TGM7: variants seen among roughly 807,000 people sequenced by gnomAD.
TGM7 encodes protein-glutamine gamma-glutamyltransferase Z.
A neutral mutation model predicts 79.5 loss-of-function variants in TGM7; 74 were observed. That is an observed-to-expected ratio of 0.93 (90% confidence interval 0.77 to 1.13). The LOEUF (loss-of-function observed/expected upper bound fraction) is 1.13, where lower values mean the gene tolerates loss of function less well. Ranked by LOEUF, TGM7 falls within the 50% of genes most tolerant of loss-of-function variation. The pLI, the probability that TGM7 is intolerant of heterozygous loss-of-function variation, is 0.00. For missense variants in TGM7, 912 were observed against 905.9 expected, an observed-to-expected ratio of 1.01 and a Z score of -0.09; for synonymous variants, 354 against 362.5, an observed-to-expected ratio of 0.98 and a Z score of 0.27.
chr15:43,296,526 A>G (rs1057269460), intron 1 of TGM7, among the ~76,000 whole-genome samples: 7 of 151,942 alleles, frequency 4.6e-5, no homozygotes, highest in Middle Eastern at 3.4e-3. Context: ...TTTTCATAGC[A>G]GGACCACTGA....
chr15:43,281,757 G>C lies in TGM7; in HGVS notation c.1351+87C>G, dbSNP rs189501370. 593 of 1,559,416 alleles carry C rather than the reference G, an allele frequency of 3.8e-4. 7 individuals carry two copies. The East Asian group carries it at 0.011, about 30-fold the overall frequency. ...GCCATGAGGAAGAGGTGATTCGATGGTGATGGTTTCAACTTGGAGCCATCC... is the reference window on the plus strand; with the variant it reads ...GCCATGAGGAAGAGGTGATTCGATGCTGATGGTTTCAACTTGGAGCCATCC... On this transcript the variant is annotated intron_variant, in intron 9 of 12. Coordinates refer to ENST00000452443, the MANE Select transcript of TGM7 (RefSeq NM_052955.3).
At chr15:43,287,911 C>T (rs2042944185) in intron 4 of TGM7, among the ~76,000 whole-genome samples, 1 of 152,066 alleles carries the variant, frequency 6.6e-6, no homozygotes, top group South Asian at 2.1e-4. Context: ...AAACAGAATT[C>T]GGAGAGTGAG....
chr15:43,287,410 C>T lies in TGM7; in HGVS notation c.735G>A (p.Glu245=). Residue 245 remains glutamate (E), a synonymous_variant, in exon 6 of 13, where the codon GAG becomes GAA. Coordinates refer to ENST00000452443, the MANE Select transcript of TGM7 (RefSeq NM_052955.3). ...GAGGACTGACCCCTTTGGAGTAGTC[C>T]TCGCCCCAGTTCCCCTGCAGCACGC... ...DNGVLQGNWG[E]DYSKGVSPLE... 1.2e-6 allele frequency: 2 copies of T among 1,614,144 alleles called. No homozygotes were observed. The highest frequency in any genetic ancestry group is 1.7e-6 in the Non-Finnish European group (2 of 1,180,032).
At chr15:43,295,180 C>T (rs1356002260) in intron 1 of TGM7, among the ~76,000 whole-genome samples, 1 of 152,230 alleles carries the variant, frequency 6.6e-6, no homozygotes, top group Non-Finnish European at 1.5e-5. Context: ...GCTAAACTGT[C>T]TTCCAGTCTT....
Position 43,301,616 on chromosome 15 carries a change from G to A in TGM7, c.10+625C>T, listed in dbSNP as rs989979794. Among the ~76,000 whole-genome samples the A allele has an allele frequency of 8.9e-5, 13 of 145,296 alleles. No homozygotes were observed. In the South Asian group the frequency reaches 1.1e-3, roughly 12 times the overall value. On this transcript the variant is annotated intron_variant, in intron 1 of 12. Coordinates refer to ENST00000452443, the MANE Select transcript of TGM7 (RefSeq NM_052955.3). ...TTGCACTCCAGCCTGGGCTACAAAG[G>A]GAGACTCCATCTCAAAAAAAAAAAA...
At chr15:43,299,558 G>A (rs1427472249) in intron 1 of TGM7, among the ~76,000 whole-genome samples, 1 of 152,198 alleles carries the variant, frequency 6.6e-6, no homozygotes, top group Non-Finnish European at 1.5e-5. Flanking sequence ...AGGCAGTCAG[G>A]TTAGTGGTGA....
At position 43,302,159 on chromosome 15, in the gene TGM7, C is replaced by T. The variant is rs148459583; in HGVS notation, c.10+82G>A. On this transcript the variant is annotated intron_variant, in intron 1 of 12. Coordinates refer to ENST00000452443, the MANE Select transcript of TGM7 (RefSeq NM_052955.3). ...TCAATCCAGGCTCTCCTGTCGCTTC[C>T]CTACATCCTCTACCCTCTCCAAACT... is the stretch of plus-strand genomic sequence containing the variant. 2.6e-6 allele frequency: 4 copies of T among 1,554,650 alleles called. No homozygotes were observed. In the East Asian group the frequency reaches 9.0e-5, roughly 35 times the overall value.
In TGM7 at chr15:43,278,867, T is replaced by C. The variant is rs1295068407; in HGVS notation, c.1839+250A>G. Among the ~76,000 whole-genome samples, 5 of 152,340 alleles carry C rather than the reference T, an allele frequency of 3.3e-5. No homozygotes were observed. The East Asian group carries it at 9.6e-4, about 29-fold the overall frequency. ...GCCTTTGCAAAATGATTTCCTTACT[T>C]AAAATGCCTTCACGGCCATCTAATT... On this transcript the variant is annotated intron_variant, in intron 11 of 12. Transcript: ENST00000452443.
rs149443794 is a variant in TGM7 at position 43,292,841 on chromosome 15, C to A, written c.307G>T (p.Val103Phe). 104 of 1,613,916 alleles carry A rather than the reference C, an allele frequency of 6.4e-5. No individual in the cohort carries two copies. The highest frequency in any genetic ancestry group is 8.8e-5 in the Non-Finnish European group (104 of 1,180,042). ...DFTIDSNSLQVSLFTPANAVI... is the reference protein window; with the variant it reads ...DFTIDSNSLQFSLFTPANAVI... Reference sequence around the variant, plus strand: ...GCATTGGCTGGTGTGAAAAGGGAAACTTGGAGAGAGTTGGAGTCAATGGTG... The same window carrying A: ...GCATTGGCTGGTGTGAAAAGGGAAAATTGGAGAGAGTTGGAGTCAATGGTG... The change falls in exon 3 of 13, where the codon GTT becomes TTT. Residue 103 changes from valine (V) to phenylalanine (F), a missense_variant. Coordinates refer to ENST00000452443, the MANE Select transcript of TGM7 (RefSeq NM_052955.3).
chr15:43,279,492 G>T lies in TGM7; in HGVS notation c.1678+133C>A, dbSNP rs937671589. The T allele has an allele frequency of 3.1e-6, 4 of 1,280,492 alleles. No individual in the cohort carries two copies. In the East Asian group the frequency reaches 9.3e-5, roughly 30 times the overall value. The allele number at this position is 1,280,492 out of a possible 1,614,324, so 79.3% of individuals were successfully genotyped here. A position where few individuals can be genotyped will look rare whatever the true frequency, so the allele number is the denominator to read the frequency against. On this transcript the variant is annotated intron_variant, in intron 10 of 12. Transcript: ENST00000452443. ...GGCATCAGAGGTGCAGCAGCTGGCAGCTTCACTGCCCAGAATGTGTGTGTG... is the reference window on the plus strand; with the variant it reads ...GGCATCAGAGGTGCAGCAGCTGGCATCTTCACTGCCCAGAATGTGTGTGTG...
intron 11 of TGM7, 104 bp downstream of exon 11, chr15:43,279,013 G>A (rs1108462): frequency 0.026 from 32,254 of 1,260,464 alleles, 555 homozygotes; most frequent in Middle Eastern, 0.041. Flanking sequence ...GGAGCCATCG[G>A]TGTGGTGAGA....
rs554783478 is a variant in TGM7 at position 43,291,129 on chromosome 15, C to A, written c.558+850G>T. Among the ~76,000 whole-genome samples the A allele has an allele frequency of 3.3e-5, 5 of 152,328 alleles. 1 individual carries two copies. The South Asian group carries it at 1.0e-3, about 32-fold the overall frequency. Reference sequence around the variant, plus strand: ...AATAGGAGTGGTGAGAGAGGGCGTCCCTGTCTTGTGCCAGTTTTCAAAGGG... The same window carrying A: ...AATAGGAGTGGTGAGAGAGGGCGTCACTGTCTTGTGCCAGTTTTCAAAGGG... On this transcript the variant is annotated intron_variant, in intron 4 of 12. Transcript: ENST00000452443.
chr15:43,295,223 G>A (rs1596465252), intron 1 of TGM7, among the ~76,000 whole-genome samples: 1 of 152,318 alleles, frequency 6.6e-6, no homozygotes, highest in Admixed American at 6.5e-5. Flanking sequence ...ATGTTTCTAA[G>A]CATTAGAGCC....
In TGM7 at chr15:43,279,811, T is replaced by C. The variant is rs1434259862; in HGVS notation, c.1492A>G (p.Arg498Gly). 1.9e-6 allele frequency: 3 copies of C among 1,614,090 alleles called. No homozygotes were observed. The highest frequency in any genetic ancestry group is 1.7e-5 in the Admixed American group (1 of 60,012). The change falls in exon 10 of 13, where the codon AGG becomes GGG. Residue 498 changes from arginine (R) to glycine (G), a missense_variant. Physicochemically the swap from Arg to Gly is moderately radical, Grantham distance 125 (BLOSUM62 -2). Transcript: ENST00000452443. Reference protein sequence around the residue: ...QPAQLQLHLARIPEWGQDLQL... With the variant: ...QPAQLQLHLAGIPEWGQDLQL... ...AGGTCCTGGCCCCACTCGGGTATCC[T>C]GGCCAGGTGAAGCTGCAGCTGCGCT...
chr15:43,288,410 G>C (rs1033238280), intron 4 of TGM7, among the ~76,000 whole-genome samples: 1 of 152,132 alleles, frequency 6.6e-6, no homozygotes, highest in Non-Finnish European at 1.5e-5. Flanking sequence ...CTACGCCTGC[G>C]GGGGTTGAGA....
In TGM7 at chr15:43,282,514, C is replaced by CTGGTG; in HGVS notation, c.1108+2_1108+3insCACCA. The stretch of plus-strand genomic sequence containing the variant: ...AGAGCCTGTTGCAATGGTCCTCACT[C>CTGGTG]ACCACTGCTGGTCTGCTGGGGAGTG... On this transcript the variant is annotated splice_region_variant and intron_variant, in intron 8 of 12. Coordinates refer to ENST00000452443, the MANE Select transcript of TGM7 (RefSeq NM_052955.3). The CTGGTG allele has an allele frequency of 6.3e-7, 1 of 1,580,712 alleles. No individual in the cohort carries two copies.
Position 43,276,867 on chromosome 15 carries a change from T to A in TGM7, c.1968A>T (p.Ala656=). The change falls in exon 12 of 13, where the codon GCA becomes GCT. Residue 656 remains alanine, a synonymous_variant. Transcript: ENST00000452443. ...EGSGLINGQI[A]KDLGTLVAGH... ...TGGGCAGAAGCGTCACTTACTCCTT[T>A]GCTATCTGCCCATTGATGAGGCCGC... 6.2e-7 allele frequency: 1 copy of A among 1,614,060 alleles called. No homozygotes were observed. The highest frequency in any genetic ancestry group is 8.5e-7 in the Non-Finnish European group (1 of 1,179,964).
Position 43,293,550 on chromosome 15 carries a change from T to C in TGM7, c.92A>G (p.Lys31Arg). The C allele has an allele frequency of 1.9e-6, 3 of 1,609,222 alleles. No individual in the cohort carries two copies. The highest frequency in any genetic ancestry group is 2.5e-6 in the Non-Finnish European group (3 of 1,178,332). ...KEHHTQEMGVKRLTVRRGQPF... is the reference protein window; with the variant it reads ...KEHHTQEMGVRRLTVRRGQPF... ...CTGGCCGCGGCGCACAGTGAGCCGCTTGACGCCCATCTCCTGCGTGTGGTG... is the reference window on the plus strand; with the variant it reads ...CTGGCCGCGGCGCACAGTGAGCCGCCTGACGCCCATCTCCTGCGTGTGGTG... The change falls in exon 2 of 13, where the codon AAG (lysine) becomes AGG (arginine). Residue 31 changes from lysine (K) to arginine (R), a missense_variant. Physicochemically the swap from Lys to Arg is conservative, Grantham distance 26 (BLOSUM62 2). Transcript: ENST00000452443.
At position 43,293,511 on chromosome 15, in the gene TGM7, C is replaced by A. The variant is rs201355476; in HGVS notation, c.131G>T (p.Arg44Leu). Residue 44 changes from arginine to leucine, a missense_variant, in exon 2 of 13, where the codon CGG becomes CTG. By Grantham distance (102) the Arg-to-Leu change is moderately radical. Coordinates refer to ENST00000452443, the MANE Select transcript of TGM7 (RefSeq NM_052955.3). ...CTGGAAGGGTCGGCTGAAGCTCAGC[C>A]GGAGGTAGAAGGGCTGGCCGCGGCG... ...TVRRGQPFYL[R>L]LSFSRPFQSQ... is the part of the protein sequence containing the mutation. 2 of 1,611,762 alleles carry A rather than the reference C, an allele frequency of 1.2e-6. No individual in the cohort carries two copies. Among genetic ancestry groups the A allele is most frequent in the South Asian group, 2.2e-5 (2 of 90,976 alleles).
Sources: allele counts gnomAD v4.1 joint callset (sites outside exome capture counted in the v4.1 genomes callset), GRCh38; gene constraint gnomAD v4.1.1; transcripts MANE v1.5; gene names NCBI Gene and HGNC (gene_info 2026-07-23, HGNC 2026-07-21).